The following ERI3 variants were observed in gnomAD, a reference collection of about 807,000 sequenced individuals.
ERI3 encodes the protein ERI1 exoribonuclease 3.
Under a neutral mutation model 44.4 loss-of-function variants are expected in ERI3, and 18 were observed. The ratio of observed to expected loss-of-function variants is 0.41; its 90% CI spans 0.28 to 0.60. The LOEUF is 0.60. ERI3 is among the 20% of genes least tolerant of loss of function. ERI3 has a pLI of 0.36. For synonymous variants in ERI3, 183 were observed against 164.8 expected (o/e 1.11, Z -0.84); for missense variants, 294 against 435.5 (o/e 0.68, Z 2.89).
chr1:44,243,827 A>G (rs943115793), intron 8 of ERI3: 5 of 152,148 alleles, frequency 3.3e-5, no homozygotes, highest in African/African-American at 7.2e-5. Context: ...TTTCTTCCAC[A>G]TCGTCTCTAT....
chr1:44,221,131 C>A lies in ERI3; in HGVS notation c.*427G>T. On this transcript the variant is annotated 3_prime_UTR_variant, in exon 9 of 9. Transcript: ENST00000372257. The surrounding 1 kb of genome is among the most constrained non-coding windows in gnomAD (Gnocchi z 5.9). The stretch of plus-strand genomic sequence containing the variant: ...ACTTTATTCAGTGGCACGTTCACAG[C>A]GGGGATGGGGGTAGACACAAGGTGG... 1 of 266,878 alleles carries A rather than the reference C, an allele frequency of 3.7e-6. No homozygotes were observed. Among genetic ancestry groups the A allele is most frequent in the Non-Finnish European group, 7.3e-6 (1 of 137,810 alleles). The allele number at this position is 266,878 out of a possible 1,614,324, so 16.5% of individuals were successfully genotyped here. A position where few individuals can be genotyped will look rare whatever the true frequency, so the allele number is the denominator to read the frequency against.
At chr1:44,291,062 G>C (rs573301505) in intron 6 of ERI3, among the ~76,000 whole-genome samples, 1 of 152,288 alleles carries the variant, frequency 6.6e-6, no homozygotes, top group South Asian at 2.1e-4. Context: ...TATACAAACA[G>C]AGGCAGACAC....
intron 5 of ERI3, among the ~76,000 whole-genome samples, chr1:44,311,297 G>A (rs1028182359): frequency 2.6e-5 from 4 of 152,128 alleles, no homozygotes; most frequent in South Asian, 2.1e-4. Context: ...CCGGCCATTC[G>A]CTTGCACAGC....
chr1:44,319,193 A>G (rs955033346), intron 4 of ERI3, among the ~76,000 whole-genome samples: 3 of 152,242 alleles, frequency 2.0e-5, no homozygotes, highest in African/African-American at 7.2e-5. Context: ...GACAAACTCA[A>G]CCTACGCTTC....
At chr1:44,328,812 A>G (rs1408985815) in intron 3 of ERI3, among the ~76,000 whole-genome samples, 1 of 152,160 alleles carries the variant, frequency 6.6e-6, no homozygotes, top group Non-Finnish European at 1.5e-5. Context: ...CTCCCTTCTC[A>G]GAGCAAACCC....
chr1:44,313,659 C>A (rs746147671), intron 4 of ERI3, among the ~76,000 whole-genome samples: 1 of 152,146 alleles, frequency 6.6e-6, no homozygotes, highest in Non-Finnish European at 1.5e-5. Context: ...AGTGCTCATA[C>A]AGGAGAGGCA....
rs112983929 is a variant in ERI3 at position 44,331,301 on chromosome 1, AT to A, written c.489+7743del. ...TAGCAGATCCAGATCCAAATTCCCAATTTTTTTTTTTTTTTAAGCAGGGGGA... is the reference window on the plus strand; with the variant it reads ...TAGCAGATCCAGATCCAAATTCCCAATTTTTTTTTTTTTTAAGCAGGGGGA... On this transcript the variant is annotated intron_variant, in intron 3 of 8. Coordinates refer to ENST00000372257, the MANE Select transcript of ERI3 (RefSeq NM_024066.3). 2.7e-3 allele frequency among the ~76,000 whole-genome samples: 389 copies of A among 143,778 alleles called. 3 individuals carry two copies. The highest frequency in any genetic ancestry group is 9.1e-3 in the East Asian group (45 of 4,972). The allele number at this position is 143,778 out of a possible 152,430, so 94.3% of individuals were successfully genotyped here.
At position 44,250,957 on chromosome 1, in the gene ERI3, C is replaced by G. The variant is rs570569673; in HGVS notation, c.832-2919G>C. ...GGCACGTCTTCCCCAGGTACTGACACATGCACCTGCAGAGCCTAACCTTCA... is the reference window on the plus strand; with the variant it reads ...GGCACGTCTTCCCCAGGTACTGACAGATGCACCTGCAGAGCCTAACCTTCA... On this transcript the variant is annotated intron_variant, in intron 7 of 8. Transcript: ENST00000372257. Among the ~76,000 whole-genome samples the G allele has an allele frequency of 5.9e-5, 9 of 152,312 alleles. No individual in the cohort carries two copies. The South Asian group carries it at 1.4e-3, about 25-fold the overall frequency.
intron 2 of ERI3, among the ~76,000 whole-genome samples, chr1:44,352,541 G>T (rs1357313409): frequency 6.6e-6 from 1 of 152,072 alleles, no homozygotes; most frequent in Non-Finnish European, 1.5e-5. Context: ...GGCTATTCTG[G>T]TTCTATTCAA....
chr1:44,331,014 T>C (rs1418144600), intron 3 of ERI3, among the ~76,000 whole-genome samples: 1 of 152,112 alleles, frequency 6.6e-6, no homozygotes, highest in African/African-American at 2.4e-5. Context: ...CTAAACACTC[T>C]TGGATTTCAC....
chr1:44,257,776 C>T (rs1469607189), intron 7 of ERI3, among the ~76,000 whole-genome samples: 1 of 152,206 alleles, frequency 6.6e-6, no homozygotes, highest in Non-Finnish European at 1.5e-5. Flanking sequence ...GCTGTGATGT[C>T]TCTGCCTCTT....
chr1:44,234,357 C>A (rs1321150838), intron 8 of ERI3, among the ~76,000 whole-genome samples: 1 of 152,156 alleles, frequency 6.6e-6, no homozygotes, highest in East Asian at 1.9e-4. Flanking sequence ...CCAATCTGGT[C>A]ATTTCACTCC....
At chr1:44,324,853 G>A (rs1339987276) in intron 3 of ERI3, among the ~76,000 whole-genome samples, 2 of 152,092 alleles carry the variant, frequency 1.3e-5, no homozygotes, top group African/African-American at 2.4e-5. Flanking sequence ...GTCTGCCAAC[G>A]GTGGATGAAA....
Position 44,221,498 on chromosome 1 carries a change from G to T in ERI3, c.*60C>A. 2 of 1,350,450 alleles carry T rather than the reference G, an allele frequency of 1.5e-6. No homozygotes were observed. The highest frequency in any genetic ancestry group is 2.1e-6 in the Non-Finnish European group (2 of 941,516). 83.7% of individuals were successfully genotyped at this position (1,350,450 alleles called of 1,614,324 possible). On this transcript the variant is annotated 3_prime_UTR_variant, in exon 9 of 9. Transcript: ENST00000372257. This position sits in a 1 kb window ranked among gnomAD's most constrained non-coding sequence, Gnocchi z 5.9. ...CCCTCTTCCCCTCTGGTGAGGGAGA[G>T]GAGGATTCTGGGCTGGGCCAAACAG...
intron 8 of ERI3, among the ~76,000 whole-genome samples, chr1:44,222,521 A>C (rs1394803676): frequency 1.3e-5 from 2 of 152,086 alleles, no homozygotes; most frequent in African/African-American, 4.8e-5. Context: ...CTGTCCTAGA[A>C]CCCTGGAGGC....
intron 7 of ERI3, among the ~76,000 whole-genome samples, chr1:44,271,925 T>C (rs1645095124): frequency 6.6e-6 from 1 of 152,188 alleles, no homozygotes; most frequent in African/African-American, 2.4e-5. Flanking sequence ...AAGGACAGCA[T>C]TAAGCTCATC....
At chr1:44,307,703 G>A (rs945401218) in intron 6 of ERI3, among the ~76,000 whole-genome samples, 2 of 152,220 alleles carry the variant, frequency 1.3e-5, no homozygotes, top group Admixed American at 1.3e-4. Context: ...GAGGAGGCTG[G>A]TGACGTGGGC....
intron 7 of ERI3, among the ~76,000 whole-genome samples, chr1:44,257,355 A>T (rs372655866): frequency 8.0e-4 from 116 of 145,030 alleles, no homozygotes; most frequent in African/African-American, 2.8e-3. Flanking sequence ...TCAGGACCCG[A>T]TCAGGAGACA....
At chr1:44,268,751 G>A (rs1194586342) in intron 7 of ERI3, among the ~76,000 whole-genome samples, 1 of 152,212 alleles carries the variant, frequency 6.6e-6, no homozygotes, top group Non-Finnish European at 1.5e-5. Context: ...ATCACTTGGT[G>A]TCTGCCAAGA....
Sources: allele counts gnomAD v4.1 joint callset (sites outside exome capture counted in the v4.1 genomes callset), GRCh38; gene constraint gnomAD v4.1.1; non-coding constraint Gnocchi (gnomAD v3.1); transcripts MANE v1.5; gene names NCBI Gene and HGNC (gene_info 2026-07-23, HGNC 2026-07-21).